The following HIVEP1 variants were observed in gnomAD, a reference collection of about 807,000 sequenced individuals.
The protein encoded by HIVEP1 is HIVEP zinc finger 1.
Under a neutral mutation model 180.0 loss-of-function variants are expected in HIVEP1, and 36 were observed. The ratio of observed to expected loss-of-function variants is 0.20; its 90% CI spans 0.15 to 0.26. The LOEUF is 0.26. HIVEP1 is among the 10% of genes least tolerant of loss of function. The pLI, the probability that HIVEP1 is intolerant of heterozygous loss-of-function variation, is 1.00. For missense variants in HIVEP1, 3,143 were observed against 3,268.7 expected (o/e 0.96, Z 0.94); for synonymous variants, 1,239 against 1,239.0 (o/e 1.00, Z 0.00).
intron 7 of HIVEP1, among the ~76,000 whole-genome samples, chr6:12,138,142 GATTTTATGTTTGTATTTTAA>G (rs1344500033): frequency 6.6e-6 from 1 of 152,088 alleles, no homozygotes; most frequent in Non-Finnish European, 1.5e-5. Context: ...AATAGTATGT[GATTTTATGTTTGTATTTTAA>G]ATTTGCATAA....
rs3734270 is a variant in HIVEP1 at position 12,164,056 on chromosome 6, G to A, written c.7752G>A (p.Lys2584=). 909 of 1,614,136 alleles carry A rather than the reference G, an allele frequency of 5.6e-4. 9 individuals carry two copies. The East Asian group carries it at 0.018, about 32-fold the overall frequency. The part of the protein sequence containing the change: ...SQSKACETQP[K]QTSVASANQV... Reference sequence around the variant, plus strand: ...GCAAAGCATGCGAGACACAACCCAAGCAGACTTCTGTAGCCAGCGCAAACC... The same window carrying A: ...GCAAAGCATGCGAGACACAACCCAAACAGACTTCTGTAGCCAGCGCAAACC... The change falls in exon 9 of 9, where the codon AAG becomes AAA. Residue 2584 remains lysine, a synonymous_variant. Coordinates refer to ENST00000379388, the MANE Select transcript of HIVEP1 (RefSeq NM_002114.4).
rs1406593100 is a variant in HIVEP1, at chr6:12,122,988, G to T, written c.3193G>T (p.Gly1065Cys). 1 of 1,614,072 alleles carries T rather than the reference G, an allele frequency of 6.2e-7. No homozygotes were observed. The highest frequency in any genetic ancestry group is 8.5e-7 in the Non-Finnish European group (1 of 1,180,006). The change falls in exon 4 of 9, where the codon GGC becomes TGC. Residue 1065 changes from glycine to cysteine, a missense_variant. Transcript: ENST00000379388. Reference sequence around the variant, plus strand: ...AGGCCTTCAGTTTCAGAATGCTCTGGGCTGTAATCCCAGTTTGCCTAAACA... The same window carrying T: ...AGGCCTTCAGTTTCAGAATGCTCTGTGCTGTAATCCCAGTTTGCCTAAACA... ...SEGLQFQNAL[G>C]CNPSLPKHNV...
At position 12,125,396 on chromosome 6, in the gene HIVEP1, A is replaced by T; in HGVS notation, c.5601A>T (p.Leu1867Phe). The T allele has an allele frequency of 6.2e-7, 1 of 1,614,068 alleles. No homozygotes were observed. The highest frequency in any genetic ancestry group is 1.1e-5 in the South Asian group (1 of 91,082). ...EFENIKSSTSLTLTVRSSPAP... is the reference protein window; with the variant it reads ...EFENIKSSTSFTLTVRSSPAP... ...AAAACATCAAGTCATCCACATCATTAACTCTTACAGTTCGAAGTTCACCTG... is the reference window on the plus strand; with the variant it reads ...AAAACATCAAGTCATCCACATCATTTACTCTTACAGTTCGAAGTTCACCTG... The change falls in exon 4 of 9, where the codon TTA becomes TTT. Residue 1867 changes from leucine (L) to phenylalanine (F), a missense_variant. Leu to Phe is a conservative substitution (Grantham distance 22). This residue lies in a region of HIVEP1 where 1,357 missense variants were observed against 1,260.5 expected (regional missense o/e 1.08). Transcript: ENST00000379388.
chr6:12,116,553 A>G (rs1775225770), intron 3 of HIVEP1, among the ~76,000 whole-genome samples: 1 of 152,096 alleles, frequency 6.6e-6, no homozygotes, highest in African/African-American at 2.4e-5. Context: ...ACAATAAAAA[A>G]AAAAGTCCTT....
In HIVEP1 at chr6:12,129,751, C is replaced by T; in HGVS notation, c.6076-8C>T. The stretch of plus-strand genomic sequence containing the variant: ...TATTAAATTAGTTTCTCTCTTTTTT[C>T]CTTTCAGAGAGCATTAGGTAATCAA... On this transcript the variant is annotated splice_region_variant and splice_polypyrimidine_tract_variant and intron_variant, in intron 4 of 8. Coordinates refer to ENST00000379388, the MANE Select transcript of HIVEP1 (RefSeq NM_002114.4). 2 of 1,592,812 alleles carry T rather than the reference C, an allele frequency of 1.3e-6. No individual in the cohort carries two copies. The highest frequency in any genetic ancestry group is 8.6e-7 in the Non-Finnish European group (1 of 1,161,722).
At chr6:12,167,837 A>G (rs953802907), downstream of HIVEP1, among the ~76,000 whole-genome samples, 2 of 144,946 alleles carry the variant, frequency 1.4e-5, no homozygotes, top group Admixed American at 1.4e-4. Context: ...ATATGTACAC[A>G]TGTACATGTA....
At chr6:12,177,464 T>A in the HIVEP1 span, among the ~76,000 whole-genome samples, 5 of 152,228 alleles carry the variant, frequency 3.3e-5, no homozygotes, top group Admixed American at 1.3e-4. Flanking sequence ...TTCCTGTACC[T>A]AAATTTCTTC....
chr6:12,201,513 A>G, the HIVEP1 span, among the ~76,000 whole-genome samples: 2 of 151,924 alleles, frequency 1.3e-5, no homozygotes, highest in South Asian at 4.2e-4. Flanking sequence ...ACAAAACAAA[A>G]CATTTTTTTG....
Position 12,123,067 on chromosome 6 carries a change from C to A in HIVEP1, c.3272C>A (p.Ser1091Tyr), listed in dbSNP as rs542694918. The A allele has an allele frequency of 6.2e-7, 1 of 1,614,150 alleles. No individual in the cohort carries two copies. The highest frequency in any genetic ancestry group is 2.2e-5 in the East Asian group (1 of 44,882). Reference protein sequence around the residue: ...QQHKNIQLQNSHIHLVARGPE... With the variant: ...QQHKNIQLQNYHIHLVARGPE... ...CATAAAAATATACAGTTGCAAAACT[C>A]CCATATTCACCTTGTTGCCAGGGGC... The change falls in exon 4 of 9, where the codon TCC (serine) becomes TAC (tyrosine). Residue 1091 changes from serine to tyrosine, a missense_variant. Physicochemically the swap from Ser to Tyr is moderately radical, Grantham distance 144. Coordinates refer to ENST00000379388, the MANE Select transcript of HIVEP1 (RefSeq NM_002114.4).
upstream of HIVEP1, chr6:12,012,135 C>T (rs974308751): frequency 2.1e-5 from 3 of 146,170 alleles, no homozygotes; most frequent in Non-Finnish European, 4.6e-5. Context: ...GCGCGCGCCC[C>T]CCAGCCCGGC....
chr6:12,172,119 G>A, the HIVEP1 span, among the ~76,000 whole-genome samples: 1 of 152,208 alleles, frequency 6.6e-6, no homozygotes, highest in African/African-American at 2.4e-5. Flanking sequence ...CAGGAATCAA[G>A]TTTTGTTCAT....
chr6:12,013,453 T>C (rs1475262182), intron 1 of HIVEP1, among the ~76,000 whole-genome samples: 1 of 152,128 alleles, frequency 6.6e-6, no homozygotes, highest in Non-Finnish European at 1.5e-5. Context: ...CCCACAAGGA[T>C]TTAAATATGG....
At chr6:12,072,530 T>C (rs1479711831) in intron 2 of HIVEP1, among the ~76,000 whole-genome samples, 2 of 152,176 alleles carry the variant, frequency 1.3e-5, no homozygotes, top group African/African-American at 4.8e-5. Flanking sequence ...CAGGCTGATA[T>C]TTTCAGTCAA....
At chr6:12,167,923 ATC>A (rs200559344), downstream of HIVEP1, among the ~76,000 whole-genome samples, 1,834 of 136,488 alleles carry the variant, frequency 0.013, 77 homozygotes, top group African/African-American at 0.049. Context: ...GTACATGTAT[ATC>A]TGCGTATATT....
chr6:12,060,014 T>C (rs1019691381), intron 2 of HIVEP1, among the ~76,000 whole-genome samples: 2 of 152,246 alleles, frequency 1.3e-5, no homozygotes, highest in African/African-American at 2.4e-5. Flanking sequence ...ATAACTGTTT[T>C]GGATTTCAAT....
chr6:12,198,326 G>T, the HIVEP1 span, among the ~76,000 whole-genome samples: 3 of 152,194 alleles, frequency 2.0e-5, no homozygotes, highest in Non-Finnish European at 4.4e-5. Context: ...TTCATTGTTG[G>T]TCTTTGTTGT....
At position 12,121,788 on chromosome 6, in the gene HIVEP1, C is replaced by T; in HGVS notation, c.1993C>T (p.Pro665Ser). The T allele has an allele frequency of 6.2e-7, 1 of 1,614,162 alleles. No homozygotes were observed. The change falls in exon 4 of 9, where the codon CCT becomes TCT. Residue 665 changes from proline (P) to serine (S), a missense_variant. Coordinates refer to ENST00000379388, the MANE Select transcript of HIVEP1 (RefSeq NM_002114.4). This position sits in a 1 kb window ranked among gnomAD's most constrained non-coding sequence, Gnocchi z 5.3. ...AGAGCAGCAAGGAAAGCTCCTGAGT[C>T]CTCGAAGTTTAGGAAGTACGGATTC... Reference protein sequence around the residue: ...SQEQQGKLLSPRSLGSTDSGY... With the variant: ...SQEQQGKLLSSRSLGSTDSGY...
At chr6:12,027,948 GGTTTT>G (rs983061054) in intron 2 of HIVEP1, among the ~76,000 whole-genome samples, 3 of 152,102 alleles carry the variant, frequency 2.0e-5, no homozygotes, top group African/African-American at 4.8e-5. Flanking sequence ...TTCGTGTTAT[GGTTTT>G]GTTTTAATTT....
chr6:12,080,475 T>A (rs1251534708), intron 2 of HIVEP1, among the ~76,000 whole-genome samples: 1 of 152,184 alleles, frequency 6.6e-6, no homozygotes, highest in Non-Finnish European at 1.5e-5. Flanking sequence ...TATAAATAAT[T>A]AGATATGTTA....
Sources: allele counts gnomAD v4.1 joint callset (sites outside exome capture counted in the v4.1 genomes callset), GRCh38; gene constraint gnomAD v4.1.1; regional missense constraint gnomAD v4.1.1; non-coding constraint Gnocchi (gnomAD v3.1); transcripts MANE v1.5; gene names NCBI Gene and HGNC (gene_info 2026-07-23, HGNC 2026-07-21).